Variants in CIZ1 observed in about 807,000 individuals in gnomAD.
CIZ1 encodes cip1-interacting zinc finger protein.
A neutral mutation model predicts 118.6 loss-of-function variants in CIZ1; 58 were observed. That is an observed-to-expected ratio of 0.49 (90% CI 0.40 to 0.61). The LOEUF (loss-of-function observed/expected upper bound fraction) is 0.61. Among genes scored for constraint, CIZ1 ranks in the 20% least tolerant of loss-of-function variants. The pLI, the probability that CIZ1 is intolerant of heterozygous loss-of-function variation, is 0.00. For synonymous variants in CIZ1, 448 were observed against 443.4 expected, an observed-to-expected ratio of 1.01 and a Z score of -0.13; for missense variants, 921 against 1,115.9, an observed-to-expected ratio of 0.83 and a Z score of 2.49.
At chr9:128,186,344 G>A (rs1049170611) in intron 4 of CIZ1, among the ~76,000 whole-genome samples, 15 of 152,130 alleles carry the variant, frequency 9.9e-5, no homozygotes, top group Admixed American at 3.9e-4. Flanking sequence ...TCCACCTACC[G>A]CCCCAGCCAG....
chr9:128,195,424 T>C (rs1288627677), upstream of CIZ1, among the ~76,000 whole-genome samples: 1 of 152,046 alleles, frequency 6.6e-6, no homozygotes, highest in Non-Finnish European at 1.5e-5. Context: ...TTTAAGTGAT[T>C]CTCGTGCCTC....
chr9:128,169,960 G>T (rs1429750164), intron 12 of CIZ1, 60 bp downstream of exon 12: 4 of 1,474,110 alleles, frequency 2.7e-6, no homozygotes, highest in Non-Finnish European at 3.8e-6. Context: ...GCTCTGTGTT[G>T]TCTGGACTCC....
chr9:128,190,380 G>C lies in CIZ1; in HGVS notation c.235C>G (p.Leu79Val). Residue 79 changes from leucine (L) to valine (V), a missense_variant, in exon 3 of 17, where the codon CTC becomes GTC. Coordinates refer to ENST00000372938, the MANE Select transcript of CIZ1 (RefSeq NM_001131016.2). ...CTCTGCAGCATGGAGCCGTTGAGGAGGGAGGCTGAGTTGGTGCCCTGGAGA... is the reference window on the plus strand; with the variant it reads ...CTCTGCAGCATGGAGCCGTTGAGGACGGAGGCTGAGTTGGTGCCCTGGAGA... ...LNLQGTNSAS[L>V]LNGSMLQRAL... 1 of 1,614,014 alleles carries C rather than the reference G, an allele frequency of 6.2e-7. No individual in the cohort carries two copies. Among genetic ancestry groups the C allele is most frequent in the Non-Finnish European group, 8.5e-7 (1 of 1,179,946 alleles).
Position 128,177,553 on chromosome 9 carries a change from C to T in CIZ1, c.1818+13G>A, listed in dbSNP as rs890282403. 3.4e-5 allele frequency: 15 copies of T among 441,234 alleles called. No individual in the cohort carries two copies. The highest frequency in any genetic ancestry group is 6.0e-5 in the Non-Finnish European group (14 of 232,730). 27.3% of individuals were successfully genotyped at this position (441,234 alleles called of 1,614,324 possible). A position where few individuals can be genotyped will look rare whatever the true frequency, so the allele number is the denominator to read the frequency against. On this transcript the variant is annotated intron_variant, in intron 10 of 16. Transcript: ENST00000372938. ...GCCCCACCCCTCCCCACCCTTATCT[C>T]CTGTATCAGTACCTGCTGGCTGGAG...
chr9:128,176,800 C>A (rs1053933542), intron 10 of CIZ1, among the ~76,000 whole-genome samples: 1 of 152,166 alleles, frequency 6.6e-6, no homozygotes, highest in African/African-American at 2.4e-5. Flanking sequence ...AAGTACAATG[C>A]GATCATGATT....
At chr9:128,178,090 G>A (rs771374777) in intron 9 of CIZ1, among the ~76,000 whole-genome samples, 4 of 152,092 alleles carry the variant, frequency 2.6e-5, no homozygotes, top group Non-Finnish European at 4.4e-5. Context: ...CTCTCTCCAC[G>A]AGAGCAACAT....
In CIZ1 at chr9:128,179,366, C is replaced by T. The variant is rs758931858; in HGVS notation, c.841G>A (p.Ala281Thr). The part of the protein sequence containing the change: ...KEPPGQLQVK[A>T]QPQARMTVPK... ...ACTGTCATCCGGGCCTGCGGCTGGG[C>T]CTTCACCTGTAACTGCCCTGGAGGT... Residue 281 changes from alanine (A) to threonine (T), a missense_variant, in exon 8 of 17, where the codon GCC becomes ACC. Coordinates refer to ENST00000372938, the MANE Select transcript of CIZ1 (RefSeq NM_001131016.2). 6.2e-7 allele frequency: 1 copy of T among 1,613,110 alleles called. No individual in the cohort carries two copies. The highest frequency in any genetic ancestry group is 1.1e-5 in the South Asian group (1 of 90,982).
intron 1 of CIZ1, among the ~76,000 whole-genome samples, chr9:128,199,679 T>C (rs1833462633): frequency 6.6e-6 from 1 of 151,900 alleles, no homozygotes; most frequent in South Asian, 2.1e-4. Context: ...CACTCCAGTC[T>C]GGGCAGCTGA....
At chr9:128,185,892 C>T (rs1376823316) in intron 4 of CIZ1, 116 bp from the exon 5 acceptor site, 2 of 767,674 alleles carry the variant, frequency 2.6e-6, no homozygotes, top group South Asian at 1.5e-5. Flanking sequence ...TGAAAGGGAC[C>T]TTCCCACCCA....
rs767204825 is a variant in CIZ1 at position 128,185,697 on chromosome 9, A to G, written c.438T>C (p.Asn146=). 6.2e-7 allele frequency: 1 copy of G among 1,610,386 alleles called. No homozygotes were observed. The highest frequency in any genetic ancestry group is 8.5e-7 in the Non-Finnish European group (1 of 1,178,088). ...TGGCCTGGGGAAAGAACTGTTGCAA[A>G]TTTGGAGTGGCCAGTTGTGGGGGTG... The part of the protein sequence containing the change: ...SLTPPQLATP[N]LQQFFPQATR... The change falls in exon 5 of 17, where the codon AAT becomes AAC. Residue 146 remains asparagine, a synonymous_variant. Coordinates refer to ENST00000372938, the MANE Select transcript of CIZ1 (RefSeq NM_001131016.2).
intron 3 of CIZ1, among the ~76,000 whole-genome samples, chr9:128,188,297 A>T (rs958980417): frequency 6.6e-6 from 1 of 152,194 alleles, no homozygotes; most frequent in African/African-American, 2.4e-5. Context: ...CCTGGGACTT[A>T]TATCAATCAC....
chr9:128,198,514 T>C (rs562496732), intron 1 of CIZ1: 3 of 152,200 alleles, frequency 2.0e-5, no homozygotes, highest in Non-Finnish European at 4.4e-5. Context: ...ACTGTGTATG[T>C]ATACAACACA....
rs189349979 is a variant in CIZ1, at chr9:128,185,138, C to T, written c.588+409G>A. ...TACTAAAAATACAAAATTAGCTGGG[C>T]GTGGTGGCGCATGCCTGTAATCCCA... On this transcript the variant is annotated intron_variant, in intron 5 of 16. Coordinates refer to ENST00000372938, the MANE Select transcript of CIZ1 (RefSeq NM_001131016.2). Among the ~76,000 whole-genome samples, 395 of 152,104 alleles carry T rather than the reference C, an allele frequency of 2.6e-3. 1 individual carries two copies. The highest frequency in any genetic ancestry group is 9.0e-3 in the African/African-American group (375 of 41,512).
At chr9:128,183,591 T>C (rs1348994504) in intron 5 of CIZ1, among the ~76,000 whole-genome samples, 3 of 151,956 alleles carry the variant, frequency 2.0e-5, no homozygotes. Context: ...AGGGAGGGGG[T>C]GAGCCCTTTG....
intron 10 of CIZ1, among the ~76,000 whole-genome samples, chr9:128,176,850 T>C (rs45437994): frequency 2.3e-4 from 35 of 152,262 alleles, no homozygotes; most frequent in African/African-American, 8.2e-4. Flanking sequence ...CGCTCAGGAC[T>C]CCAATGTCAC....
At chr9:128,176,523 C>A in intron 10 of CIZ1, 48 bp from the exon 11 acceptor site, 1 of 1,588,882 alleles carries the variant, frequency 6.3e-7, no homozygotes, top group South Asian at 1.1e-5. Flanking sequence ...GAGCCCAGAA[C>A]AGTGGGCAAG....
intron 14 of CIZ1, chr9:128,167,645 G>C (rs1829596993): frequency 6.1e-6 from 1 of 164,964 alleles, no homozygotes; most frequent in Admixed American, 5.6e-5. Context: ...AACTCCCTGA[G>C]GTCCTATCCA....
chr9:128,169,174 C>G lies in CIZ1; in HGVS notation c.2173G>C (p.Gly725Arg). Residue 725 changes from glycine to arginine, a missense_variant, in exon 14 of 17, where the codon GGC (glycine) becomes CGC (arginine). Gly to Arg is a moderately radical substitution (Grantham distance 125). Transcript: ENST00000372938. ...ELKSLEKEIA[G>R]QDEDHFITVD... is the part of the protein sequence containing the mutation. ...GTAATGAAGTGGTCCTCATCTTGGCCAGCAATTTCTTTCTCAAGCGACTTC... is the reference window on the plus strand; with the variant it reads ...GTAATGAAGTGGTCCTCATCTTGGCGAGCAATTTCTTTCTCAAGCGACTTC... The G allele has an allele frequency of 6.2e-7, 1 of 1,614,190 alleles. No individual in the cohort carries two copies.
At chr9:128,194,415 T>C (rs1301345785), upstream of CIZ1, among the ~76,000 whole-genome samples, 2 of 143,634 alleles carry the variant, frequency 1.4e-5, no homozygotes, top group East Asian at 4.1e-4. Context: ...TTTGACCCAA[T>C]AACACCATTT....
Sources: allele counts gnomAD v4.1 joint callset (sites outside exome capture counted in the v4.1 genomes callset), GRCh38; gene constraint gnomAD v4.1.1; transcripts MANE v1.5; gene names NCBI Gene and HGNC (gene_info 2026-07-23, HGNC 2026-07-21).